CFAP221: variants seen among roughly 807,000 people sequenced by gnomAD.
CFAP221 encodes the protein cilia and flagella associated protein 221.
A neutral mutation model predicts 113.1 loss-of-function variants in CFAP221; 97 were observed. That is an observed-to-expected ratio of 0.86 (90% CI 0.73 to 1.02). CFAP221 has a LOEUF of 1.02. Among genes scored for constraint, CFAP221 ranks in the 50% least tolerant of loss-of-function variants. CFAP221 has a pLI of 0.00. For synonymous variants in CFAP221, 331 were observed against 354.4 expected (o/e 0.93, Z 0.74); for missense variants, 1,025 against 1,013.4 (o/e 1.01, Z -0.16).
At chr2:119,602,884 C>G (rs1684463550) in intron 8 of CFAP221, 2 of 600,222 alleles carry the variant, frequency 3.3e-6, no homozygotes, top group Non-Finnish European at 4.2e-6. Context: ...CTTTTACATG[C>G]ACGACAGCAT....
chr2:119,629,952 G>T lies in CFAP221; in HGVS notation c.1728G>T (p.Leu576=). 2 of 1,608,128 alleles carry T rather than the reference G, an allele frequency of 1.2e-6. No individual in the cohort carries two copies. Among genetic ancestry groups the T allele is most frequent in the Non-Finnish European group, 1.7e-6 (2 of 1,174,792 alleles). ...QIKQSYSFFN[L]QVPQLYKIKR... ...AGCAGAGTTATTCCTTCTTCAATCT[G>T]CAGGTCAGACCTGTCACATAAATTA... Residue 576 remains leucine (L), a synonymous_variant, in exon 17 of 24, where the codon CTG becomes CTT. Coordinates refer to ENST00000413369, the MANE Select transcript of CFAP221 (RefSeq NM_001271049.2).
At position 119,546,076 on chromosome 2, in the gene CFAP221, C is replaced by G; in HGVS notation, c.-47-9C>G. 1 of 1,478,904 alleles carries G rather than the reference C, an allele frequency of 6.8e-7. No homozygotes were observed. Among genetic ancestry groups the G allele is most frequent in the Non-Finnish European group, 8.9e-7 (1 of 1,122,914 alleles). 91.6% of individuals were successfully genotyped at this position (1,478,904 alleles called of 1,614,324 possible). ...ATGGATGATTATACTGCTGCTCTTT[C>G]CTCCCCAGGACATGACCTTTGGCTC... On this transcript the variant is annotated splice_polypyrimidine_tract_variant and intron_variant, in intron 1 of 23. Transcript: ENST00000413369.
chr2:119,656,267 C>T, intron 23 of CFAP221, 95 bp from the exon 24 acceptor site: 1 of 893,764 alleles, frequency 1.1e-6, no homozygotes, highest in Non-Finnish European at 1.8e-6. Flanking sequence ...AAACGAAATG[C>T]TCCTCCGACC....
chr2:119,652,141 T>G (rs1357942687), intron 23 of CFAP221, 72 bp downstream of exon 23: 1 of 1,202,480 alleles, frequency 8.3e-7, no homozygotes, highest in African/African-American at 1.5e-5. Context: ...AGTACAAAAG[T>G]GTCATGTTGT....
intron 22 of CFAP221, chr2:119,648,511 C>G: frequency 4.2e-6 from 1 of 240,874 alleles, no homozygotes; most frequent in South Asian, 4.4e-5. Flanking sequence ...GGCCACCAGC[C>G]CTGCATGACA....
intron 7 of CFAP221, among the ~76,000 whole-genome samples, chr2:119,594,493 G>A (rs1345303067): frequency 3.3e-5 from 5 of 151,948 alleles, no homozygotes; most frequent in Admixed American, 1.3e-4. Context: ...ATCCACCCTC[G>A]TCAGCCTCCC....
At position 119,649,423 on chromosome 2, in the gene CFAP221, A is replaced by G. The variant is rs187468469; in HGVS notation, c.2318+2373A>G. On this transcript the variant is annotated intron_variant, in intron 22 of 23. Coordinates refer to ENST00000413369, the MANE Select transcript of CFAP221 (RefSeq NM_001271049.2). ...CCTCATTGTAAGTCAAGGAGCGTCC[A>G]TATTTATCAACATATTTTTCTGTTT... 2.8e-3 allele frequency among the ~76,000 whole-genome samples: 434 copies of G among 152,330 alleles called. 9 individuals carry two copies. Among genetic ancestry groups the G allele is most frequent in the Admixed American group, 0.023 (353 of 15,310 alleles).
intron 11 of CFAP221, among the ~76,000 whole-genome samples, chr2:119,607,944 A>G (rs2104687356): frequency 6.6e-6 from 1 of 152,302 alleles, no homozygotes; most frequent in South Asian, 2.1e-4. Flanking sequence ...CTTTTTGACT[A>G]TTATGAATAA....
At chr2:119,646,086 T>C (rs1687785919) in intron 21 of CFAP221, among the ~76,000 whole-genome samples, 1 of 152,108 alleles carries the variant, frequency 6.6e-6, no homozygotes, top group African/African-American at 2.4e-5. Flanking sequence ...ACATTCTCAA[T>C]AGCCAGGAAT....
intron 7 of CFAP221, among the ~76,000 whole-genome samples, chr2:119,589,253 G>A: frequency 6.6e-6 from 1 of 152,208 alleles, no homozygotes; most frequent in Non-Finnish European, 1.5e-5. Context: ...TACATTGTTG[G>A]CTGTTATACT....
intron 6 of CFAP221, among the ~76,000 whole-genome samples, chr2:119,583,395 C>CT (rs375405686): frequency 0.96 from 118,978 of 123,320 alleles, 57,522 homozygotes; most frequent in South Asian, 0.98. Context: ...GAAATAGTCT[C>CT]TTTTTTTTTT....
intron 15 of CFAP221, among the ~76,000 whole-genome samples, 178 bp from the exon 16 acceptor site, chr2:119,627,475 A>G (rs1027360166): frequency 2.6e-5 from 4 of 151,410 alleles, no homozygotes; most frequent in African/African-American, 7.3e-5. Flanking sequence ...TTTTTTAACC[A>G]GAAAGGAGGT....
chr2:119,622,555 G>A (rs1686005178), intron 14 of CFAP221, among the ~76,000 whole-genome samples: 1 of 152,040 alleles, frequency 6.6e-6, no homozygotes, highest in South Asian at 2.1e-4. Context: ...ACCTGACAGA[G>A]ACACAACAAA....
At chr2:119,580,859 C>T (rs2104597617) in intron 6 of CFAP221, 1 of 152,560 alleles carries the variant, frequency 6.6e-6, no homozygotes, top group East Asian at 1.9e-4. Flanking sequence ...GGGATCCGCA[C>T]TTGGCCTGCA....
chr2:119,547,288 G>A (rs946081085), intron 2 of CFAP221, among the ~76,000 whole-genome samples: 42 of 152,098 alleles, frequency 2.8e-4, no homozygotes, highest in African/African-American at 8.0e-4. Flanking sequence ...GGCCAGGTGC[G>A]GTGGCTCACT....
chr2:119,630,940 CT>C (rs749494524), intron 19 of CFAP221, 39 bp downstream of exon 19: 1 of 1,603,568 alleles, frequency 6.2e-7, no homozygotes, highest in Non-Finnish European at 8.5e-7. Context: ...TTCTGTGTTC[CT>C]TTATTTCAGC....
intron 19 of CFAP221, among the ~76,000 whole-genome samples, chr2:119,636,326 T>A (rs1049387036): frequency 6.6e-6 from 1 of 152,130 alleles, no homozygotes; most frequent in Non-Finnish European, 1.5e-5. Context: ...AAAGGAAAAT[T>A]GTGAAAGCAA....
intron 3 of CFAP221, chr2:119,557,446 A>C (rs796778937): frequency 6.6e-6 from 1 of 152,242 alleles, no homozygotes; most frequent in Non-Finnish European, 1.5e-5. Flanking sequence ...TAAAGTGCAG[A>C]GCATGGGGGA....
intron 23 of CFAP221, among the ~76,000 whole-genome samples, chr2:119,655,446 A>G (rs1213796725): frequency 3.9e-5 from 6 of 152,198 alleles, no homozygotes; most frequent in Non-Finnish European, 8.8e-5. Context: ...GAACATCTTA[A>G]TTCTCCATTT....
Sources: allele counts gnomAD v4.1 joint callset (sites outside exome capture counted in the v4.1 genomes callset), GRCh38; gene constraint gnomAD v4.1.1; transcripts MANE v1.5; gene names NCBI Gene and HGNC (gene_info 2026-07-23, HGNC 2026-07-21).